Variants in CD8B2 observed in about 807,000 individuals in gnomAD.
The protein encoded by CD8B2 is CD8B family member 2, also known as T-cell surface glycoprotein CD8 beta-2 chain.
CD8B2 carries 11 observed loss-of-function variants against 23.7 expected under a neutral mutation model. That is an observed-to-expected ratio of 0.46 (90% CI 0.29 to 0.77). The LOEUF (loss-of-function observed/expected upper bound fraction) is 0.77, where lower values mean the gene tolerates loss of function less well. Ranked by LOEUF, CD8B2 falls within the 30% of genes least tolerant of loss-of-function variation. The probability of loss-of-function intolerance (pLI) is 0.09; values close to 1 mark genes in which losing one functional copy is unlikely to be tolerated. For synonymous variants in CD8B2, 90 were observed against 109.3 expected (o/e 0.82, Z 1.10); for missense variants, 197 against 270.5 (o/e 0.73, Z 1.91).
intron 5 of CD8B2, among the ~76,000 whole-genome samples, chr2:106,520,251 T>C (rs552126664): frequency 2.3e-4 from 35 of 152,366 alleles, no homozygotes; most frequent in African/African-American, 8.2e-4. Context: ...AAAATCTGTT[T>C]TCCTTAGCCA....
intron 5 of CD8B2, among the ~76,000 whole-genome samples, chr2:106,529,073 C>T (rs1679955396): frequency 6.6e-6 from 1 of 152,202 alleles, no homozygotes; most frequent in Admixed American, 6.5e-5. Flanking sequence ...CAGGCAGCAG[C>T]TCCCTTGGAA....
At chr2:106,544,022 C>G (rs1017701723) in exon 6 of CD8B2, 2 of 398,530 alleles carry the variant, frequency 5.0e-6, no homozygotes, top group African/African-American at 4.1e-5. Context: ...TTTCACATTT[C>G]CCCATGGATG....
At chr2:106,526,085 C>T (rs1464344259) in intron 5 of CD8B2, among the ~76,000 whole-genome samples, 1 of 151,864 alleles carries the variant, frequency 6.6e-6, no homozygotes, top group Non-Finnish European at 1.5e-5. Flanking sequence ...TACTAAAATA[C>T]AAAAAAATTA....
chr2:106,494,221 G>C (rs1679253414), intron 2 of CD8B2, among the ~76,000 whole-genome samples: 1 of 150,076 alleles, frequency 6.7e-6, no homozygotes, highest in Non-Finnish European at 1.5e-5. Flanking sequence ...GATCTTGGCT[G>C]ACTGCAACCT....
At chr2:106,541,282 G>A (rs1251728586) in intron 5 of CD8B2, among the ~76,000 whole-genome samples, 1 of 152,118 alleles carries the variant, frequency 6.6e-6, no homozygotes, top group African/African-American at 2.4e-5. Flanking sequence ...GGTGGTTAGT[G>A]ACCCCCTATG....
intron 2 of CD8B2, among the ~76,000 whole-genome samples, chr2:106,494,472 C>CTTT (rs11444117): frequency 6.8e-6 from 1 of 148,100 alleles, no homozygotes. Flanking sequence ...CTTTTCTTTT[C>CTTT]TTTTTTTTTT....
At chr2:106,518,791 A>G (rs1405415611) in intron 5 of CD8B2, among the ~76,000 whole-genome samples, 3 of 151,016 alleles carry the variant, frequency 2.0e-5, no homozygotes, top group Admixed American at 6.6e-5. Flanking sequence ...CCATTGCTCT[A>G]TCCATTTTCC....
chr2:106,538,775 C>G (rs1039814957), intron 5 of CD8B2, among the ~76,000 whole-genome samples: 2 of 152,142 alleles, frequency 1.3e-5, no homozygotes, highest in African/African-American at 4.8e-5. Context: ...GGACCCCTCC[C>G]TCTTCATATT....
In CD8B2 at chr2:106,510,927, T is replaced by C. The variant is rs1035444715; in HGVS notation, c.*3987T>C. 1 of 152,220 alleles carries C rather than the reference T, an allele frequency of 6.6e-6. No individual in the cohort carries two copies. Among genetic ancestry groups the C allele is most frequent in the Non-Finnish European group, 1.5e-5 (1 of 68,038 alleles). The allele number at this position is 152,220 out of a possible 1,614,324, so 9.4% of individuals were successfully genotyped here. A position where few individuals can be genotyped will look rare whatever the true frequency, so the allele number is the denominator to read the frequency against. On this transcript the variant is annotated 3_prime_UTR_variant, in exon 6 of 6. Coordinates refer to ENST00000643224, the MANE Select transcript of CD8B2 (RefSeq NM_001349727.2). ...GCCTCCGGGTATATTTGTTTGTATA[T>C]GTACAGGAAAAGGTCTGTAAGGATT...
rs2104560265 is a variant in CD8B2 at position 106,507,050 on chromosome 2, T to G, written c.*110T>G. 6.7e-7 allele frequency: 1 copy of G among 1,499,818 alleles called. No homozygotes were observed. The highest frequency in any genetic ancestry group is 1.4e-5 in the South Asian group (1 of 72,134). 92.9% of individuals were successfully genotyped at this position (1,499,818 alleles called of 1,614,324 possible). On this transcript the variant is annotated 3_prime_UTR_variant, in exon 6 of 6. Coordinates refer to ENST00000643224, the MANE Select transcript of CD8B2 (RefSeq NM_001349727.2). ...ATTCAACCCTGGAGAGTTCAATGGC[T>G]GCTGAAGCTGCCTGCTTTTCACTGC...
rs767865187 is a variant in CD8B2 at position 106,508,934 on chromosome 2, C to CAATTAGT, written c.*1994_*1995insAATTAGT. 1 of 151,556 alleles carries CAATTAGT rather than the reference C, an allele frequency of 6.6e-6. No individual in the cohort carries two copies. Among genetic ancestry groups the CAATTAGT allele is most frequent in the Non-Finnish European group, 1.5e-5 (1 of 67,870 alleles). 9.4% of individuals were successfully genotyped at this position (151,556 alleles called of 1,614,324 possible). A position where few individuals can be genotyped will look rare whatever the true frequency, so the allele number is the denominator to read the frequency against. The stretch of plus-strand genomic sequence containing the variant: ...TGTACGTTAATTGGCCTTAGATGCC[C>CAATTAGT]TGCCCCCAGACCCAGGTGTTTTCCG... On this transcript the variant is annotated 3_prime_UTR_variant, in exon 6 of 6. Coordinates refer to ENST00000643224, the MANE Select transcript of CD8B2 (RefSeq NM_001349727.2).
At chr2:106,488,837 A>G (rs951060403) in intron 1 of CD8B2, among the ~76,000 whole-genome samples, 6 of 152,146 alleles carry the variant, frequency 3.9e-5, no homozygotes, top group Non-Finnish European at 8.8e-5. Flanking sequence ...AACTGGCATT[A>G]TTGATTCTTA....
chr2:106,490,669 C>T (rs1679176557), intron 1 of CD8B2, among the ~76,000 whole-genome samples: 1 of 152,262 alleles, frequency 6.6e-6, no homozygotes, highest in East Asian at 1.9e-4. Flanking sequence ...TAGCAAACAC[C>T]TGCCTTCCAG....
In CD8B2 at chr2:106,520,761, T is replaced by C. The variant is rs528471617; in HGVS notation, c.620+16436T>C. On this transcript the variant is annotated intron_variant, in intron 5 of 5. Coordinates refer to the CD8B2 transcript ENST00000416057. ...GCCCCACACCTGTAATCCCAGCTACTCGGGAGGCTGAGACAGGAGAATCGC... is the reference window on the plus strand; with the variant it reads ...GCCCCACACCTGTAATCCCAGCTACCCGGGAGGCTGAGACAGGAGAATCGC... Among the ~76,000 whole-genome samples the C allele has an allele frequency of 3.8e-3, 580 of 152,096 alleles. 4 individuals are homozygous for C. The highest frequency in any genetic ancestry group is 0.013 in the African/African-American group (548 of 41,486).
chr2:106,496,180 C>A lies in CD8B2; in HGVS notation c.411C>A (p.Phe137Leu). Residue 137 changes from phenylalanine (F) to leucine (L), a missense_variant, in exon 3 of 6, where the codon TTC becomes TTA. Coordinates refer to ENST00000643224, the MANE Select transcript of CD8B2 (RefSeq NM_001349727.2). Reference sequence around the variant, plus strand: ...CTTGCTTTCTTTCTGTAGTTGATTTCCTTCCCACCACTGCCCAGCCCACCA... The same window carrying A: ...CTTGCTTTCTTTCTGTAGTTGATTTACTTCCCACCACTGCCCAGCCCACCA... The part of the protein sequence containing the change: ...GKGTQLSVVD[F>L]LPTTAQPTKK... 4.5e-6 allele frequency: 7 copies of A among 1,544,952 alleles called. No individual in the cohort carries two copies. Among genetic ancestry groups the A allele is most frequent in the Non-Finnish European group, 5.2e-6 (6 of 1,143,062 alleles).
intron 5 of CD8B2, 23 bp downstream of exon 5, chr2:106,504,348 G>T: frequency 6.4e-7 from 1 of 1,555,482 alleles, no homozygotes; most frequent in Non-Finnish European, 8.7e-7. Context: ...CCTGGGTGTG[G>T]CCTTGGGTTC....
intron 5 of CD8B2, among the ~76,000 whole-genome samples, chr2:106,517,893 T>C (rs1461598725): frequency 6.6e-6 from 1 of 152,054 alleles, no homozygotes; most frequent in African/African-American, 2.4e-5. Context: ...TTTTTGTAAT[T>C]TTAGTAGAGA....
chr2:106,535,744 C>G (rs2104575614), intron 5 of CD8B2, among the ~76,000 whole-genome samples: 1 of 152,286 alleles, frequency 6.6e-6, no homozygotes, highest in Middle Eastern at 3.4e-3. Context: ...CTCTAACATT[C>G]TAAAGCTTGT....
chr2:106,536,114 A>C (rs965082679), intron 5 of CD8B2, among the ~76,000 whole-genome samples: 9 of 150,246 alleles, frequency 6.0e-5, no homozygotes, highest in Middle Eastern at 3.4e-3. Flanking sequence ...AGCTCATCAC[A>C]ACCTCTGCCT....
Sources: allele counts gnomAD v4.1 joint callset (sites outside exome capture counted in the v4.1 genomes callset), GRCh38; gene constraint gnomAD v4.1.1; transcripts MANE v1.5; gene names NCBI Gene and HGNC (gene_info 2026-07-23, HGNC 2026-07-21).